Variants in ISCA1 observed in about 807,000 individuals in gnomAD.
ISCA1 encodes the protein iron-sulfur cluster assembly 1, also known as iron-sulfur cluster assembly 1 homolog, mitochondrial.
In ISCA1, 9 loss-of-function variants were observed where a neutral mutation model predicts 14.7. The ratio of observed to expected loss-of-function variants is 0.61; its 90% confidence interval spans 0.37 to 1.07. ISCA1 has a LOEUF of 1.07. ISCA1 is among the 50% of genes least tolerant of loss of function. The pLI is 0.01. For synonymous variants in ISCA1, 38 were observed against 54.3 expected, an observed-to-expected ratio of 0.70 and a Z score of 1.32; for missense variants, 102 against 150.1, an observed-to-expected ratio of 0.68 and a Z score of 1.67.
chr9:86,266,745 G>A (rs1406200586), intron 3 of ISCA1: 1 of 143,908 alleles, frequency 6.9e-6, no homozygotes, highest in Non-Finnish European at 1.5e-5. Context: ...TTTTTTTTTT[G>A]GACAGAGTCT....
rs146423608 is a variant in ISCA1 at position 86,268,312 on chromosome 9, T to C, written c.242-2121A>G. ...GAGGCCTAAGTTAATACGTGTGTTTTTGTCTTAGTTTTTAATTAAAATGTT... is the reference window on the plus strand; with the variant it reads ...GAGGCCTAAGTTAATACGTGTGTTTCTGTCTTAGTTTTTAATTAAAATGTT... On this transcript the variant is annotated intron_variant, in intron 3 of 3. Transcript: ENST00000375991. Among the ~76,000 whole-genome samples, 897 of 152,154 alleles carry C rather than the reference T, an allele frequency of 5.9e-3. 19 individuals are homozygous for C. The highest frequency in any genetic ancestry group is 0.05 in the East Asian group (257 of 5,178).
chr9:86,278,796 C>A (rs886825346), intron 1 of ISCA1, among the ~76,000 whole-genome samples: 1 of 152,136 alleles, frequency 6.6e-6, no homozygotes, highest in Non-Finnish European at 1.5e-5. Flanking sequence ...TTACTGAGCA[C>A]CTTCTAAGTG....
chr9:86,282,375 C>T lies in ISCA1; in HGVS notation c.81+3G>A, dbSNP rs997344571. The T allele has an allele frequency of 4.1e-5, 64 of 1,546,610 alleles. No individual in the cohort carries two copies. Among genetic ancestry groups the T allele is most frequent in the Non-Finnish European group, 5.5e-5 (63 of 1,144,582 alleles). ...GGCCCCGCCGCGCGCCGCGAGCACT[C>T]ACCAGGGTGAGGGCTGCCCGGGTGG... On this transcript the variant is annotated splice_donor_region_variant and intron_variant, in intron 1 of 3. Coordinates refer to ENST00000375991, the MANE Select transcript of ISCA1 (RefSeq NM_030940.4).
At chr9:86,272,184 C>T (rs1564009304) in intron 2 of ISCA1, 72 bp from the exon 3 acceptor site, 1 of 909,630 alleles carries the variant, frequency 1.1e-6, no homozygotes, top group Non-Finnish European at 1.8e-6. Flanking sequence ...AATAAAGTGA[C>T]AGTAGCCTCC....
chr9:86,277,074 G>T (rs535185254), intron 1 of ISCA1, among the ~76,000 whole-genome samples: 4 of 152,010 alleles, frequency 2.6e-5, no homozygotes, highest in African/African-American at 7.2e-5. Context: ...TCTCCAAGTG[G>T]TTTTCTAAAT....
In ISCA1 at chr9:86,276,896, A is replaced by AAAAT. The variant is rs1825444855; in HGVS notation, c.82-2655_82-2654insATTT. ...AAAAAAAAAAAAAAAAAAAAAAAAA[A>AAAAT]GGCATAGCCATGGAAAATATCCGCG... On this transcript the variant is annotated intron_variant, in intron 1 of 3. Coordinates refer to ENST00000375991, the MANE Select transcript of ISCA1 (RefSeq NM_030940.4). Among the ~76,000 whole-genome samples the AAAAT allele has an allele frequency of 1.9e-3, 283 of 147,130 alleles. 15 individuals are homozygous for AAAAT. The highest frequency in any genetic ancestry group is 2.6e-3 in the East Asian group (13 of 5,028).
chr9:86,282,019 G>T, intron 1 of ISCA1: 1 of 227,806 alleles, frequency 4.4e-6, no homozygotes, highest in Non-Finnish European at 8.7e-6. Flanking sequence ...CACCGGGCAC[G>T]TTCAGCCTCT....
chr9:86,280,314 G>A (rs1825493719), intron 1 of ISCA1, among the ~76,000 whole-genome samples: 1 of 152,100 alleles, frequency 6.6e-6, no homozygotes, highest in Admixed American at 6.5e-5. Flanking sequence ...GGCAAGGCAC[G>A]GTGGCTCATG....
At chr9:86,276,185 G>C (rs965378011) in intron 1 of ISCA1, among the ~76,000 whole-genome samples, 1 of 151,598 alleles carries the variant, frequency 6.6e-6, no homozygotes, top group Non-Finnish European at 1.5e-5. Flanking sequence ...CAGATCATCA[G>C]GCATCATTCT....
At chr9:86,274,596 C>T (rs561900830) in intron 1 of ISCA1, among the ~76,000 whole-genome samples, 13 of 152,122 alleles carry the variant, frequency 8.5e-5, no homozygotes, top group East Asian at 1.9e-4. Context: ...ATGTTGCCTA[C>T]GACAAAGAGC....
intron 1 of ISCA1, 41 bp downstream of exon 1, chr9:86,282,337 G>T: frequency 6.5e-7 from 1 of 1,531,202 alleles, no homozygotes; most frequent in Non-Finnish European, 8.8e-7. Context: ...GGGCGGACAC[G>T]AGCAATGTCA....
intron 3 of ISCA1, among the ~76,000 whole-genome samples, chr9:86,268,383 C>T (rs182218803): frequency 3.5e-5 from 5 of 142,278 alleles, no homozygotes; most frequent in African/African-American, 7.8e-5. Flanking sequence ...AGAATAAGAA[C>T]GTAAAAAATT....
intron 1 of ISCA1, among the ~76,000 whole-genome samples, chr9:86,278,416 G>A (rs1054404684): frequency 6.6e-6 from 1 of 152,114 alleles, no homozygotes; most frequent in Non-Finnish European, 1.5e-5. Flanking sequence ...TGTAATGCCA[G>A]CACTTTGGGA....
intron 1 of ISCA1, among the ~76,000 whole-genome samples, chr9:86,280,394 G>T (rs1825494803): frequency 6.6e-6 from 1 of 151,932 alleles, no homozygotes; most frequent in African/African-American, 2.4e-5. Context: ...GACCAGCCTG[G>T]TGAAGATGGT....
chr9:86,280,120 C>T (rs1476554953), intron 1 of ISCA1, among the ~76,000 whole-genome samples: 1 of 152,186 alleles, frequency 6.6e-6, no homozygotes, highest in Non-Finnish European at 1.5e-5. Context: ...GAGACCAAGC[C>T]TGAGAATGTG....
chr9:86,279,817 T>C (rs1021754772), intron 1 of ISCA1, among the ~76,000 whole-genome samples: 2 of 152,192 alleles, frequency 1.3e-5, no homozygotes, highest in Non-Finnish European at 2.9e-5. Context: ...ATGCTGATGA[T>C]AAACTAAGCA....
At position 86,282,250 on chromosome 9, in the gene ISCA1, G is replaced by A. The variant is rs745484102; in HGVS notation, c.81+128C>T. On this transcript the variant is annotated intron_variant, in intron 1 of 3. Coordinates refer to ENST00000375991, the MANE Select transcript of ISCA1 (RefSeq NM_030940.4). Reference sequence around the variant, plus strand: ...AGGAGGCGGCGAGGCTGTGCGGCGGGTCGGAGCGACGCCGAGGTCTGACGT... The same window carrying A: ...AGGAGGCGGCGAGGCTGTGCGGCGGATCGGAGCGACGCCGAGGTCTGACGT... 1.3e-4 allele frequency: 131 copies of A among 1,036,518 alleles called. 1 individual carries two copies. Among genetic ancestry groups the A allele is most frequent in the Non-Finnish European group, 1.6e-4 (116 of 733,378 alleles). The allele number at this position is 1,036,518 out of a possible 1,614,324, so 64.2% of individuals were successfully genotyped here.
At chr9:86,266,975 G>C (rs1185500315) in intron 3 of ISCA1, 1 of 152,364 alleles carries the variant, frequency 6.6e-6, no homozygotes, top group Non-Finnish European at 1.5e-5. Context: ...TGGGATTACA[G>C]GTGTGAGCCA....
Position 86,265,944 on chromosome 9 carries a change from C to A in ISCA1, c.*99G>T. ...CTGGATTCATTTTCAAGATGTATCA[C>A]TTTATTTTCCAGCACGTGACAGTCA... On this transcript the variant is annotated 3_prime_UTR_variant, in exon 4 of 4. Coordinates refer to ENST00000375991, the MANE Select transcript of ISCA1 (RefSeq NM_030940.4). 6.6e-7 allele frequency: 1 copy of A among 1,521,202 alleles called. No homozygotes were observed. The highest frequency in any genetic ancestry group is 1.1e-5 in the South Asian group (1 of 88,484). The allele number at this position is 1,521,202 out of a possible 1,614,324, so 94.2% of individuals were successfully genotyped here. A position where few individuals can be genotyped will look rare whatever the true frequency, so the allele number is the denominator to read the frequency against.
Sources: gnomAD v4.1 joint callset for allele counts (sites outside exome capture counted in the v4.1 genomes callset) on GRCh38, gnomAD v4.1.1 for gene constraint, MANE v1.5 for transcripts, NCBI Gene and HGNC (gene_info 2026-07-23, HGNC 2026-07-21) for gene names.